EIF2AK4: variants seen among roughly 807,000 people sequenced by gnomAD.
The protein encoded by EIF2AK4 is eIF-2-alpha kinase GCN2.
EIF2AK4 carries 139 observed loss-of-function variants against 211.1 expected under a neutral mutation model. That is an observed-to-expected ratio of 0.66 (90% confidence interval 0.57 to 0.76). The LOEUF (loss-of-function observed/expected upper bound fraction) is 0.76. Ranked by LOEUF, EIF2AK4 falls within the 30% of genes least tolerant of loss-of-function variation. EIF2AK4 has a pLI of 0.00. For missense variants in EIF2AK4, 1,664 were observed against 2,043.8 expected, an observed-to-expected ratio of 0.81 and a Z score of 3.58; for synonymous variants, 710 against 751.3, an observed-to-expected ratio of 0.94 and a Z score of 0.90.
intron 11 of EIF2AK4, chr15:39,974,239 G>C (rs1290271355): frequency 6.6e-6 from 1 of 152,296 alleles, no homozygotes; most frequent in Non-Finnish European, 1.5e-5. Flanking sequence ...AAGGTACACT[G>C]TTGTTGGGTC....
chr15:39,992,683 T>C, intron 17 of EIF2AK4, 86 bp from the exon 18 acceptor site: 2 of 1,234,106 alleles, frequency 1.6e-6, no homozygotes. Context: ...CATGCCTCAC[T>C]TTTAAGAAAC....
intron 36 of EIF2AK4, 109 bp from the exon 37 acceptor site, chr15:40,032,648 A>G (rs1169932758): frequency 1.1e-6 from 1 of 950,108 alleles, no homozygotes; most frequent in Admixed American, 2.1e-5. Flanking sequence ...GCACAATAGC[A>G]TCTCAGACTC....
intron 7 of EIF2AK4, among the ~76,000 whole-genome samples, chr15:39,965,399 C>G (rs1380965647): frequency 6.6e-6 from 1 of 152,210 alleles, no homozygotes; most frequent in East Asian, 1.9e-4. Flanking sequence ...GCTGGGATTA[C>G]AGGCGTGAGC....
At chr15:39,967,067 T>C (rs1435759795) in intron 8 of EIF2AK4, among the ~76,000 whole-genome samples, 1 of 152,244 alleles carries the variant, frequency 6.6e-6, no homozygotes, top group Non-Finnish European at 1.5e-5. Flanking sequence ...AGTATATGCA[T>C]AGTAGGTTTT....
chr15:39,989,794 G>T (rs895924500), intron 15 of EIF2AK4, among the ~76,000 whole-genome samples: 1 of 152,234 alleles, frequency 6.6e-6, no homozygotes, highest in African/African-American at 2.4e-5. Flanking sequence ...TGTGTGTGCT[G>T]GGGATGCCAA....
intron 19 of EIF2AK4, 57 bp downstream of exon 19, chr15:39,997,122 G>T: frequency 3.2e-6 from 4 of 1,245,466 alleles, no homozygotes; most frequent in Non-Finnish European, 4.7e-6. Context: ...TTAGCACAGA[G>T]ATCAGAATTC....
intron 4 of EIF2AK4, among the ~76,000 whole-genome samples, chr15:39,950,291 A>G (rs1243462068): frequency 1.3e-5 from 2 of 152,214 alleles, no homozygotes; most frequent in Non-Finnish European, 2.9e-5. Context: ...ATGTAGGACA[A>G]CTCAGTTAGA....
At position 40,016,512 on chromosome 15, in the gene EIF2AK4, T is replaced by C; in HGVS notation, c.3770T>C (p.Leu1257Pro). The C allele has an allele frequency of 6.2e-7, 1 of 1,614,174 alleles. No individual in the cohort carries two copies. Among genetic ancestry groups the C allele is most frequent in the Non-Finnish European group, 8.5e-7 (1 of 1,180,012 alleles). The change falls in exon 28 of 39, where the codon CTC becomes CCC. Residue 1257 changes from leucine (L) to proline (P), a missense_variant. This residue lies in a region of EIF2AK4 where 622 missense variants were observed against 796.8 expected (regional missense o/e 0.78). Coordinates refer to ENST00000263791, the MANE Select transcript of EIF2AK4 (RefSeq NM_001013703.4). ...LSLSSNSLCR[L>P]YKFIEQKGDL... is the part of the protein sequence containing the mutation. ...CCCTTTGCTTTCCAGCTGTGTCGAC[T>C]CTACAAGTTTATTGAACAGAAGGGA...
chr15:40,027,907 G>GAAC (rs1292453246), intron 33 of EIF2AK4, among the ~76,000 whole-genome samples: 40 of 149,982 alleles, frequency 2.7e-4, no homozygotes, highest in Admixed American at 4.0e-4. Flanking sequence ...AAAACAAAAA[G>GAAC]AACAACAACA....
intron 19 of EIF2AK4, among the ~76,000 whole-genome samples, chr15:39,998,270 G>GTTT (rs11435806): frequency 4.0e-5 from 5 of 125,398 alleles, no homozygotes; most frequent in Admixed American, 8.4e-5. Context: ...TTTTTTTTTT[G>GTTT]TTTTGTTTTT....
intron 14 of EIF2AK4, 84 bp downstream of exon 14, chr15:39,985,972 A>G: frequency 1.6e-6 from 2 of 1,231,718 alleles, no homozygotes; most frequent in Non-Finnish European, 2.3e-6. Context: ...GAACAAGATA[A>G]TGGACAGAGG....
chr15:39,988,810 G>T (rs1048020241), intron 15 of EIF2AK4, among the ~76,000 whole-genome samples: 1 of 152,138 alleles, frequency 6.6e-6, no homozygotes, highest in Non-Finnish European at 1.5e-5. Context: ...AGACCAGACT[G>T]GTCAACATGG....
chr15:39,951,579 GA>G, intron 4 of EIF2AK4: 1 of 321,856 alleles, frequency 3.1e-6, no homozygotes, highest in Non-Finnish European at 6.1e-6. Flanking sequence ...CCAGATGCTG[GA>G]GGGGAGTTTG....
chr15:40,032,385 T>C, intron 36 of EIF2AK4, 148 bp downstream of exon 36: 4 of 666,416 alleles, frequency 6.0e-6, no homozygotes, highest in South Asian at 5.8e-5. Context: ...TTTAAAACTA[T>C]TAAGAACTAG....
intron 7 of EIF2AK4, among the ~76,000 whole-genome samples, chr15:39,963,587 A>C (rs978291309): frequency 2.6e-5 from 4 of 152,198 alleles, no homozygotes; most frequent in African/African-American, 9.7e-5. Flanking sequence ...TTTTTATAAA[A>C]AACAATATTT....
chr15:40,017,558 T>TGTATGTATG (rs1555422343), intron 29 of EIF2AK4, among the ~76,000 whole-genome samples: 2 of 127,988 alleles, frequency 1.6e-5, no homozygotes. Context: ...TATATATGTA[T>TGTATGTATG]TTTGGAGACA....
chr15:40,019,486 A>G (rs1211751724), intron 30 of EIF2AK4, among the ~76,000 whole-genome samples: 1 of 152,174 alleles, frequency 6.6e-6, no homozygotes, highest in Non-Finnish European at 1.5e-5. Context: ...CGGGCCGCAC[A>G]GCAGGAGGTG....
chr15:39,987,719 A>G (rs2034885155), intron 14 of EIF2AK4, among the ~76,000 whole-genome samples: 2 of 152,250 alleles, frequency 1.3e-5, no homozygotes, highest in South Asian at 4.1e-4. Flanking sequence ...TGTGATAAGT[A>G]TTTTAAACAA....
At chr15:39,972,094 C>T (rs2140915787) in intron 9 of EIF2AK4, among the ~76,000 whole-genome samples, 1 of 152,236 alleles carries the variant, frequency 6.6e-6, no homozygotes, top group Non-Finnish European at 1.5e-5. Context: ...CACGGTGGCT[C>T]ACGCCTGTAA....
Sources: allele counts gnomAD v4.1 joint callset (sites outside exome capture counted in the v4.1 genomes callset), GRCh38; gene constraint gnomAD v4.1.1; regional missense constraint gnomAD v4.1.1; transcripts MANE v1.5; gene names NCBI Gene and HGNC (gene_info 2026-07-23, HGNC 2026-07-21).